The following VAV3 variants were observed in gnomAD, a reference collection of about 807,000 sequenced individuals.
The protein encoded by VAV3 is vav guanine nucleotide exchange factor 3.
A neutral mutation model predicts 131.2 loss-of-function variants in VAV3; 94 were observed. The ratio of observed to expected loss-of-function variants is 0.72; its 90% CI spans 0.61 to 0.85. VAV3 has a LOEUF of 0.85. Ranked by LOEUF, VAV3 falls within the 40% of genes least tolerant of loss-of-function variation. The pLI is 0.00. For synonymous variants in VAV3, 349 were observed against 342.0 expected, an observed-to-expected ratio of 1.02 and a Z score of -0.22; for missense variants, 939 against 1,002.7, an observed-to-expected ratio of 0.94 and a Z score of 0.86.
At chr1:107,615,403 C>T (rs1653070328) in intron 21 of VAV3, among the ~76,000 whole-genome samples, 1 of 152,080 alleles carries the variant, frequency 6.6e-6, no homozygotes, top group Admixed American at 6.6e-5. Flanking sequence ...TAGCCATATG[C>T]AGGACTGAAG....
intron 2 of VAV3, among the ~76,000 whole-genome samples, chr1:107,866,416 G>T (rs1999486): frequency 0.71 from 107,254 of 151,960 alleles, 38,138 homozygotes; most frequent in Non-Finnish European, 0.74. Flanking sequence ...TGTTGAAGAT[G>T]AGCTTGAAAC....
At chr1:107,720,233 A>G (rs980779436) in intron 15 of VAV3, among the ~76,000 whole-genome samples, 2 of 151,802 alleles carry the variant, frequency 1.3e-5, no homozygotes, top group Non-Finnish European at 2.9e-5. Context: ...TAAATAAAAA[A>G]TTAGCCACGT....
intron 25 of VAV3, among the ~76,000 whole-genome samples, chr1:107,583,576 T>G (rs1390474251): frequency 6.6e-6 from 1 of 152,116 alleles, no homozygotes; most frequent in African/African-American, 2.4e-5. Flanking sequence ...GGATACAAAA[T>G]CAATGTACAA....
intron 25 of VAV3, chr1:107,576,452 AAAAGCCACAGAAC>A: frequency 6.6e-7 from 1 of 1,521,414 alleles, no homozygotes; most frequent in Non-Finnish European, 8.8e-7. Flanking sequence ...GTTACAAAAG[AAAAGCCACAGAAC>A]AAAGAGGGGG....
At chr1:107,788,180 T>C (rs1299231696) in intron 2 of VAV3, among the ~76,000 whole-genome samples, 1 of 152,088 alleles carries the variant, frequency 6.6e-6, no homozygotes, top group East Asian at 1.9e-4. Flanking sequence ...CCCTTCAATT[T>C]CATCCTCTAC....
intron 1 of VAV3, among the ~76,000 whole-genome samples, chr1:107,919,365 C>G (rs988955899): frequency 1.3e-5 from 2 of 152,144 alleles, no homozygotes; most frequent in East Asian, 3.8e-4. Flanking sequence ...CTCCAGTGAG[C>G]CTATTTTAAT....
intron 17 of VAV3, among the ~76,000 whole-genome samples, chr1:107,692,781 C>T (rs961446771): frequency 2.0e-5 from 3 of 152,104 alleles, no homozygotes; most frequent in Non-Finnish European, 4.4e-5. Flanking sequence ...AACAGATAAG[C>T]AAATGGGGAT....
At chr1:107,620,198 T>C (rs1284250778) in intron 20 of VAV3, among the ~76,000 whole-genome samples, 1 of 152,118 alleles carries the variant, frequency 6.6e-6, no homozygotes, top group Non-Finnish European at 1.5e-5. Flanking sequence ...TTAATAAATG[T>C]TTCTAAGGGG....
chr1:107,712,031 A>G (rs536511798), intron 15 of VAV3, among the ~76,000 whole-genome samples: 158 of 152,276 alleles, frequency 1.0e-3, no homozygotes, highest in African/African-American at 3.8e-3. Context: ...CCTAAATAAG[A>G]AAATGGAATA....
At chr1:107,722,607 G>A (rs138568235) in intron 15 of VAV3, among the ~76,000 whole-genome samples, 163 of 152,208 alleles carry the variant, frequency 1.1e-3, no homozygotes, top group African/African-American at 3.9e-3. Flanking sequence ...TGTCCAATAA[G>A]AATACAAATG....
chr1:107,740,476 TAGAC>T (rs1217873027), intron 15 of VAV3, among the ~76,000 whole-genome samples: 2 of 152,158 alleles, frequency 1.3e-5, no homozygotes, highest in Admixed American at 6.6e-5. Context: ...AATATTCAAT[TAGAC>T]AGTAAAATAA....
At chr1:107,599,379 G>A (rs1368309736) in intron 24 of VAV3, among the ~76,000 whole-genome samples, 1 of 152,114 alleles carries the variant, frequency 6.6e-6, no homozygotes, top group East Asian at 1.9e-4. Flanking sequence ...TAAATAAGAA[G>A]ACTCTAAACA....
rs189227231 is a variant in VAV3, at chr1:107,653,232, G to A, written c.1778-10477C>T. ...TGACTCTGCACCATCATTTCGATGT[G>A]CTGATTTTTTTTTTTAAAGAGGCTA... On this transcript the variant is annotated intron_variant, in intron 19 of 26. Coordinates refer to ENST00000370056, the MANE Select transcript of VAV3 (RefSeq NM_006113.5). Among the ~76,000 whole-genome samples, 201 of 151,846 alleles carry A rather than the reference G, an allele frequency of 1.3e-3. 2 individuals carry two copies. Among genetic ancestry groups the A allele is most frequent in the Non-Finnish European group, 2.1e-3 (144 of 67,932 alleles).
rs72977674 is a variant in VAV3 at position 107,707,690 on chromosome 1, C to T, written c.1503-2629G>A. On this transcript the variant is annotated intron_variant, in intron 15 of 26. Coordinates refer to ENST00000370056, the MANE Select transcript of VAV3 (RefSeq NM_006113.5). ...TAATTATTGAAGTGTAAGAGGGTAA[C>T]TCAAGAGATTACATGTATGAAAAAC... Among the ~76,000 whole-genome samples the T allele has an allele frequency of 5.6e-3, 848 of 152,278 alleles. 10 individuals carry two copies. The highest frequency in any genetic ancestry group is 0.018 in the African/African-American group (747 of 41,544).
chr1:107,590,030 T>A (rs1391169294), intron 25 of VAV3, among the ~76,000 whole-genome samples: 1 of 152,184 alleles, frequency 6.6e-6, no homozygotes. Flanking sequence ...TGTTGTTGGA[T>A]GGTGAATAGA....
At chr1:107,648,753 A>C (rs923850869) in intron 19 of VAV3, among the ~76,000 whole-genome samples, 6 of 152,060 alleles carry the variant, frequency 3.9e-5, no homozygotes, top group Admixed American at 6.6e-5. Context: ...CAGAAGCAAA[A>C]ATGGAACAAA....
At chr1:107,692,068 T>G (rs1381882511) in intron 17 of VAV3, among the ~76,000 whole-genome samples, 1 of 152,166 alleles carries the variant, frequency 6.6e-6, no homozygotes, top group Non-Finnish European at 1.5e-5. Context: ...TAAGACTGCC[T>G]ATCTCAACAG....
chr1:107,671,777 C>A (rs116199639), intron 19 of VAV3, among the ~76,000 whole-genome samples: 1 of 150,908 alleles, frequency 6.6e-6, no homozygotes, highest in African/African-American at 2.4e-5. Context: ...CATATTTTAC[C>A]AAAAAAAACA....
intron 9 of VAV3, 91 bp downstream of exon 9, chr1:107,764,985 G>T: frequency 2.7e-6 from 2 of 738,964 alleles, no homozygotes; most frequent in Non-Finnish European, 4.4e-6. Context: ...TTAAAATAAT[G>T]GGAAATGTAC....
Sources: allele counts gnomAD v4.1 joint callset (sites outside exome capture counted in the v4.1 genomes callset), GRCh38; gene constraint gnomAD v4.1.1; transcripts MANE v1.5; gene names NCBI Gene and HGNC (gene_info 2026-07-23, HGNC 2026-07-21).